The following DZIP1 variants were observed in gnomAD, a reference collection of about 807,000 sequenced individuals.
The protein encoded by DZIP1 is DAZ interacting zinc finger protein 1, also known as cilium assembly protein DZIP1.
In DZIP1, 97 loss-of-function variants were observed where a neutral mutation model predicts 107.6. The ratio of observed to expected loss-of-function variants is 0.90; its 90% CI spans 0.77 to 1.07. The LOEUF is 1.07. Ranked by LOEUF, DZIP1 falls within the 50% of genes least tolerant of loss-of-function variation. DZIP1 has a pLI of 0.00. For missense variants in DZIP1, 1,035 were observed against 1,063.6 expected, an observed-to-expected ratio of 0.97 and a Z score of 0.37; for synonymous variants, 390 against 386.4, an observed-to-expected ratio of 1.01 and a Z score of -0.11.
intron 6 of DZIP1, chr13:95,630,564 C>A (rs571299454): frequency 1.7e-5 from 6 of 352,872 alleles, no homozygotes; most frequent in Non-Finnish European, 2.4e-5. Context: ...TCTGAGGACC[C>A]CATCAGTGCT....
chr13:95,612,219 GTC>G, intron 10 of DZIP1, 42 bp from the exon 11 acceptor site: 8 of 1,588,488 alleles, frequency 5.0e-6, no homozygotes, highest in Non-Finnish European at 6.8e-6. Context: ...TAAGCTGCAT[GTC>G]AAATGTCTTC....
chr13:95,630,873 A>C (rs1453545607), intron 6 of DZIP1: 5 of 520,250 alleles, frequency 9.6e-6, no homozygotes, highest in South Asian at 8.1e-5. Flanking sequence ...TATGAGTTAG[A>C]ATAAGATACT....
chr13:95,600,590 TGATAGATAGATAGATAGATA>T (rs1555306564), intron 14 of DZIP1, among the ~76,000 whole-genome samples: 10 of 141,674 alleles, frequency 7.1e-5, no homozygotes, highest in Non-Finnish European at 1.2e-4. Context: ...GATAGATAGA[TGATAGATAGATAGATAGATA>T]GATAGATAGA....
At chr13:95,612,199 C>T (rs778477261) in intron 10 of DZIP1, 22 bp from the exon 11 acceptor site, 2 of 1,603,160 alleles carry the variant, frequency 1.2e-6, no homozygotes, top group Non-Finnish European at 1.7e-6. Flanking sequence ...TTAAGAAAGG[C>T]ATCCATCTGT....
chr13:95,582,335 A>G (rs755390357), intron 22 of DZIP1, 22 bp from the exon 23 acceptor site: 1 of 1,597,484 alleles, frequency 6.3e-7, no homozygotes, highest in South Asian at 1.1e-5. Context: ...GGGTAGAGGC[A>G]GAAGAGAAGG....
intron 10 of DZIP1, among the ~76,000 whole-genome samples, chr13:95,616,889 C>T (rs781289895): frequency 2.0e-5 from 3 of 152,110 alleles, no homozygotes; most frequent in Non-Finnish European, 4.4e-5. Flanking sequence ...CTGTGTGGGC[C>T]TGTCTTATTC....
At chr13:95,642,488 C>A (rs1486662351) in intron 3 of DZIP1, among the ~76,000 whole-genome samples, 1 of 152,116 alleles carries the variant, frequency 6.6e-6, no homozygotes, top group Non-Finnish European at 1.5e-5. Context: ...AATATCTATT[C>A]ATTCCATCAT....
At chr13:95,584,025 G>A (rs1485365427) in intron 22 of DZIP1, among the ~76,000 whole-genome samples, 1 of 151,824 alleles carries the variant, frequency 6.6e-6, no homozygotes, top group East Asian at 1.9e-4. Context: ...TTGCCAGGCT[G>A]GAGTGCAGTG....
At chr13:95,588,611 T>C (rs1336034846) in intron 19 of DZIP1, among the ~76,000 whole-genome samples, 1 of 152,172 alleles carries the variant, frequency 6.6e-6, no homozygotes, top group African/African-American at 2.4e-5. Flanking sequence ...GATAAGGAAA[T>C]TGAGACTTAA....
intron 13 of DZIP1, among the ~76,000 whole-genome samples, chr13:95,607,344 G>A (rs2044815409): frequency 6.6e-6 from 1 of 152,196 alleles, no homozygotes; most frequent in Non-Finnish European, 1.5e-5. Flanking sequence ...ACCATACCCG[G>A]CCATCAGCTA....
intron 18 of DZIP1, 135 bp from the exon 19 acceptor site, chr13:95,589,342 G>A (rs373370672): frequency 5.1e-5 from 34 of 667,864 alleles, no homozygotes; most frequent in Middle Eastern, 4.2e-4. Context: ...GTCACCCAGC[G>A]TCAGTTAGAG....
intron 15 of DZIP1, among the ~76,000 whole-genome samples, chr13:95,598,933 T>A (rs190492418): frequency 6.6e-6 from 1 of 152,294 alleles, no homozygotes. Context: ...ATGATGCTTT[T>A]CTTGCTATTA....
intron 5 of DZIP1, among the ~76,000 whole-genome samples, chr13:95,635,934 T>G (rs1594741207): frequency 1.4e-4 from 16 of 115,136 alleles, no homozygotes; most frequent in East Asian, 9.4e-4. Context: ...GGTAGGGAGG[T>G]AAGGAGGTAG....
At chr13:95,637,526 C>G (rs1877944707) in intron 5 of DZIP1, among the ~76,000 whole-genome samples, 1 of 151,848 alleles carries the variant, frequency 6.6e-6, no homozygotes, top group Non-Finnish European at 1.5e-5. Flanking sequence ...AATATTTGAG[C>G]CTAGGAGTTT....
intron 8 of DZIP1, among the ~76,000 whole-genome samples, chr13:95,623,586 T>C (rs1876169037): frequency 6.6e-6 from 1 of 152,208 alleles, no homozygotes; most frequent in African/African-American, 2.4e-5. Flanking sequence ...CACTGAAATG[T>C]GAACTTTAAT....
At chr13:95,618,557 C>T (rs1180272404) in intron 10 of DZIP1, among the ~76,000 whole-genome samples, 1 of 152,174 alleles carries the variant, frequency 6.6e-6, no homozygotes, top group Admixed American at 6.5e-5. Context: ...TCAAGAACTG[C>T]AGGTGTTTTG....
intron 10 of DZIP1, among the ~76,000 whole-genome samples, chr13:95,616,394 T>C (rs984391830): frequency 1.2e-4 from 18 of 152,146 alleles, no homozygotes; most frequent in African/African-American, 4.1e-4. Context: ...CCTAGCTAGC[T>C]ACCTTCCACA....
At chr13:95,621,664 CAGTGTGTGTGTG>C (rs1174247761) in intron 9 of DZIP1, among the ~76,000 whole-genome samples, 10 of 86,284 alleles carry the variant, frequency 1.2e-4, no homozygotes, top group Admixed American at 7.2e-4. Context: ...GACCAGTTAG[CAGTGTGTGTGTG>C]TGTGTGTGTG....
At chr13:95,600,154 G>A (rs575819153) in intron 14 of DZIP1, among the ~76,000 whole-genome samples, 1 of 152,246 alleles carries the variant, frequency 6.6e-6, no homozygotes, top group South Asian at 2.1e-4. Flanking sequence ...ATAAAACCAA[G>A]CCCTATCCTA....
Sources: gnomAD v4.1 joint callset for allele counts (sites outside exome capture counted in the v4.1 genomes callset) on GRCh38, gnomAD v4.1.1 for gene constraint, MANE v1.5 for transcripts, NCBI Gene and HGNC (gene_info 2026-07-23, HGNC 2026-07-21) for gene names.